POU3F3: variants seen among roughly 807,000 people sequenced by gnomAD.
POU3F3 encodes the protein POU domain, class 3, transcription factor 3.
POU3F3 carries 1 observed loss-of-function variant against 8.6 expected under a neutral mutation model. The observed-to-expected ratio is 0.12, with a 90% CI of 0.04 to 0.55. POU3F3 has a LOEUF of 0.55. POU3F3 is among the 20% of genes least tolerant of loss of function. The pLI, the probability that POU3F3 is intolerant of heterozygous loss-of-function variation, is 0.91. For synonymous variants in POU3F3, 418 were observed against 327.4 expected, an observed-to-expected ratio of 1.28 and a Z score of -2.99; for missense variants, 577 against 690.7, an observed-to-expected ratio of 0.84 and a Z score of 1.84.
At chr2:104,911,588 G>T in the POU3F3 span, among the ~76,000 whole-genome samples, 2 of 152,150 alleles carry the variant, frequency 1.3e-5, no homozygotes, top group African/African-American at 4.8e-5. Flanking sequence ...GCATCTCCCA[G>T]CAGGTTCATG....
chr2:104,891,676 G>A, the POU3F3 span, among the ~76,000 whole-genome samples: 3 of 152,208 alleles, frequency 2.0e-5, no homozygotes, highest in Non-Finnish European at 2.9e-5. Context: ...TGTGGGGGCA[G>A]AGAAGGCACT....
chr2:104,924,695 CTT>C, the POU3F3 span, among the ~76,000 whole-genome samples: 1 of 152,182 alleles, frequency 6.6e-6, no homozygotes, highest in Non-Finnish European at 1.5e-5. Context: ...ATCTCTTCAT[CTT>C]TTGATCTATT....
At chr2:104,868,156 C>T in the POU3F3 span, 1 of 436,914 alleles carries the variant, frequency 2.3e-6, no homozygotes, top group Non-Finnish European at 4.6e-6. Context: ...CCCCCACACC[C>T]CCATGGGGTT....
chr2:104,907,009 C>T, the POU3F3 span, among the ~76,000 whole-genome samples: 2 of 152,244 alleles, frequency 1.3e-5, no homozygotes, highest in Non-Finnish European at 2.9e-5. Context: ...CAAAATCATA[C>T]GAACACCCCT....
the POU3F3 span, among the ~76,000 whole-genome samples, chr2:104,911,596 A>G: frequency 6.6e-6 from 1 of 152,122 alleles, no homozygotes; most frequent in Admixed American, 6.5e-5. Context: ...CAGCAGGTTC[A>G]TGGCTGGCTT....
At chr2:104,917,724 T>C in the POU3F3 span, among the ~76,000 whole-genome samples, 2 of 152,158 alleles carry the variant, frequency 1.3e-5, no homozygotes, top group African/African-American at 2.4e-5. Context: ...GAACACTACA[T>C]GAATAAGCAG....
chr2:104,898,331 G>C, the POU3F3 span, among the ~76,000 whole-genome samples: 9 of 152,196 alleles, frequency 5.9e-5, no homozygotes, highest in African/African-American at 1.4e-4. Context: ...CTTTGTCATA[G>C]CGGCCTGAAC....
At chr2:104,919,945 T>C in the POU3F3 span, among the ~76,000 whole-genome samples, 2 of 152,228 alleles carry the variant, frequency 1.3e-5, no homozygotes, top group Non-Finnish European at 2.9e-5. Context: ...TTCCTAAGCA[T>C]GTAGCTTTAT....
rs1676521897 is a variant in POU3F3 at position 104,855,113 on chromosome 2, C to A, written c.-398C>A. Reference sequence around the variant, plus strand: ...GCGAGCCCCGCTGGAGCGAGCCCAGCGCGCCGGGGCTGGGGGGCGGCCACG... The same window carrying A: ...GCGAGCCCCGCTGGAGCGAGCCCAGAGCGCCGGGGCTGGGGGGCGGCCACG... On this transcript the variant is annotated 5_prime_UTR_variant, in exon 1 of 1. Coordinates refer to ENST00000361360, the MANE Select transcript of POU3F3 (RefSeq NM_006236.3). Among the ~76,000 whole-genome samples, 1 of 151,786 alleles carries A rather than the reference C, an allele frequency of 6.6e-6. No homozygotes were observed. The highest frequency in any genetic ancestry group is 2.0e-4 in the East Asian group (1 of 5,112).
the POU3F3 span, among the ~76,000 whole-genome samples, chr2:104,870,335 GA>G: frequency 6.6e-6 from 1 of 152,232 alleles, no homozygotes; most frequent in South Asian, 2.1e-4. Flanking sequence ...TTCACATCAA[GA>G]GAAGAGGCCA....
the POU3F3 span, among the ~76,000 whole-genome samples, chr2:104,912,510 T>C: frequency 6.6e-6 from 1 of 152,210 alleles, no homozygotes; most frequent in Non-Finnish European, 1.5e-5. Flanking sequence ...TCAGATTCAA[T>C]ACCTGAGTAG....
chr2:104,906,630 C>T, the POU3F3 span, among the ~76,000 whole-genome samples: 3 of 152,244 alleles, frequency 2.0e-5, no homozygotes, highest in Non-Finnish European at 4.4e-5. Context: ...CGATATCTGC[C>T]CTGTTCCAGC....
rs1676594170 is a variant in POU3F3 at position 104,857,407 on chromosome 2, T to C, written c.*394T>C. The C allele has an allele frequency of 6.5e-6, 1 of 154,092 alleles. No individual in the cohort carries two copies. Among genetic ancestry groups the C allele is most frequent in the Non-Finnish European group, 1.5e-5 (1 of 68,334 alleles). The allele number at this position is 154,092 out of a possible 1,614,324, so 9.5% of individuals were successfully genotyped here. A position where few individuals can be genotyped will look rare whatever the true frequency, so the allele number is the denominator to read the frequency against. On this transcript the variant is annotated 3_prime_UTR_variant, in exon 1 of 1. Transcript: ENST00000361360. ...CTGTGGTGGTGTTTCGTTTTTGTTT[T>C]TGTTTTTAAAGAAGGGTGAAGATGC...
downstream of POU3F3, among the ~76,000 whole-genome samples, chr2:104,863,267 G>A (rs1158598187): frequency 1.3e-5 from 2 of 151,050 alleles, no homozygotes; most frequent in Non-Finnish European, 2.9e-5. Flanking sequence ...AGAGTAATGA[G>A]CAAACCTGGG....
chr2:104,889,398 G>A, the POU3F3 span, among the ~76,000 whole-genome samples: 1 of 152,210 alleles, frequency 6.6e-6, no homozygotes. Flanking sequence ...GGAGGGGCCA[G>A]GCTCCTCCCA....
the POU3F3 span, chr2:104,868,200 A>G: frequency 2.2e-6 from 1 of 455,270 alleles, no homozygotes; most frequent in Admixed American, 2.4e-5. Context: ...ACAGGCGTCT[A>G]GGAGTTGGTG....
At chr2:104,902,931 C>T in the POU3F3 span, among the ~76,000 whole-genome samples, 11 of 152,266 alleles carry the variant, frequency 7.2e-5, no homozygotes, top group East Asian at 3.9e-4. Context: ...CCTGACATCG[C>T]GCTTAGTTCC....
the POU3F3 span, among the ~76,000 whole-genome samples, chr2:104,897,936 T>C: frequency 2.0e-5 from 3 of 152,172 alleles, no homozygotes; most frequent in Non-Finnish European, 4.4e-5. Flanking sequence ...CCACAACTCA[T>C]GTGGCTACTG....
the POU3F3 span, among the ~76,000 whole-genome samples, chr2:104,896,815 C>T: frequency 6.6e-5 from 10 of 152,352 alleles, no homozygotes; most frequent in East Asian, 5.8e-4. Flanking sequence ...CGTGGGATCA[C>T]GATGGTCTCA....
Sources: gnomAD v4.1 joint callset for allele counts (sites outside exome capture counted in the v4.1 genomes callset) on GRCh38, gnomAD v4.1.1 for gene constraint, MANE v1.5 for transcripts, NCBI Gene and HGNC (gene_info 2026-07-23, HGNC 2026-07-21) for gene names.